FSTL5: variants seen among roughly 807,000 people sequenced by gnomAD.
FSTL5 encodes the protein follistatin like 5.
FSTL5 carries 62 observed loss-of-function variants against 89.1 expected under a neutral mutation model. The observed-to-expected ratio is 0.70, with a 90% CI of 0.57 to 0.86. FSTL5 has a LOEUF of 0.86. FSTL5 is among the 40% of genes least tolerant of loss of function. FSTL5 has a pLI of 0.00. For synonymous variants in FSTL5, 383 were observed against 346.2 expected (o/e 1.11, Z -1.18); for missense variants, 1,057 against 1,001.6 (o/e 1.06, Z -0.75).
At chr4:161,470,741 C>T (rs1198015118) in intron 13 of FSTL5, among the ~76,000 whole-genome samples, 4 of 152,030 alleles carry the variant, frequency 2.6e-5, no homozygotes, top group Non-Finnish European at 5.9e-5. Context: ...GTTGTTTTCC[C>T]ATTTATATAT....
intron 6 of FSTL5, among the ~76,000 whole-genome samples, chr4:161,692,802 C>A (rs1737989290): frequency 6.6e-6 from 1 of 152,146 alleles, no homozygotes; most frequent in Non-Finnish European, 1.5e-5. Context: ...CGGCTCACTG[C>A]AACCTCCAAC....
At chr4:161,939,610 C>A (rs2110919299) in intron 3 of FSTL5, among the ~76,000 whole-genome samples, 1 of 152,006 alleles carries the variant, frequency 6.6e-6, no homozygotes, top group Admixed American at 6.6e-5. Flanking sequence ...ATGAGAAGGA[C>A]TGTAGAGGAA....
intron 8 of FSTL5, among the ~76,000 whole-genome samples, chr4:161,581,312 A>C (rs558756524): frequency 1.3e-5 from 2 of 152,204 alleles, no homozygotes; most frequent in Non-Finnish European, 2.9e-5. Flanking sequence ...CAGTTTGACA[A>C]TCACTGAGCT....
chr4:161,592,477 A>G (rs1363010660), intron 7 of FSTL5, among the ~76,000 whole-genome samples: 1 of 135,992 alleles, frequency 7.4e-6, no homozygotes, highest in African/African-American at 2.8e-5. Flanking sequence ...CCCTGTGTCC[A>G]TGTGTTCTAT....
At chr4:161,760,508 T>C (rs1469285356) in intron 5 of FSTL5, among the ~76,000 whole-genome samples, 2 of 152,152 alleles carry the variant, frequency 1.3e-5, no homozygotes, top group Non-Finnish European at 2.9e-5. Context: ...AATACCTCAA[T>C]AATTTCTGGC....
At chr4:161,539,951 C>T (rs983239374) in intron 9 of FSTL5, among the ~76,000 whole-genome samples, 56 of 140,688 alleles carry the variant, frequency 4.0e-4, no homozygotes, top group African/African-American at 1.4e-3. Flanking sequence ...CTTAAATTCT[C>T]TGGGTTTTGT....
At chr4:161,829,161 A>ATG (rs1399040246) in intron 4 of FSTL5, among the ~76,000 whole-genome samples, 3 of 146,980 alleles carry the variant, frequency 2.0e-5, no homozygotes, top group Non-Finnish European at 3.0e-5. Context: ...ATATATATAT[A>ATG]TGTACACAGA....
chr4:161,933,640 G>T (rs1734353225), intron 3 of FSTL5, among the ~76,000 whole-genome samples: 1 of 151,314 alleles, frequency 6.6e-6, no homozygotes. Flanking sequence ...TTTCAAGGTG[G>T]AAAATGGTTA....
intron 4 of FSTL5, among the ~76,000 whole-genome samples, chr4:161,807,102 A>G (rs1172285579): frequency 1.2e-5 from 1 of 85,020 alleles, no homozygotes; most frequent in Non-Finnish European, 2.7e-5. Context: ...GGGTCTGGAT[A>G]CAGGTTGGTC....
intron 3 of FSTL5, among the ~76,000 whole-genome samples, chr4:161,941,738 TA>T (rs950404331): frequency 6.6e-6 from 1 of 151,820 alleles, no homozygotes; most frequent in Non-Finnish European, 1.5e-5. Flanking sequence ...AGCAACTATA[TA>T]AAAAATAATT....
At position 161,995,720 on chromosome 4, in the gene FSTL5, C is replaced by T. The variant is rs150318442; in HGVS notation, c.160+37905G>A. Among the ~76,000 whole-genome samples the T allele has an allele frequency of 7.7e-3, 1,159 of 150,720 alleles. 9 individuals carry two copies. The highest frequency in any genetic ancestry group is 0.032 in the Admixed American group (487 of 15,136). On this transcript the variant is annotated intron_variant, in intron 3 of 15. Coordinates refer to ENST00000306100, the MANE Select transcript of FSTL5 (RefSeq NM_020116.5). ...TTAATTTCTGTTCTCCAACTATGCC[C>T]CTGAATAAATTAACATTTCCCTAAA...
chr4:162,040,819 CT>C (rs767223314), intron 2 of FSTL5, among the ~76,000 whole-genome samples: 6 of 124,688 alleles, frequency 4.8e-5, no homozygotes, highest in African/African-American at 1.3e-4. Flanking sequence ...TATTATTTAT[CT>C]TTTTTTTTCA....
chr4:161,605,223 A>C (rs1734394255), intron 7 of FSTL5, among the ~76,000 whole-genome samples: 1 of 152,192 alleles, frequency 6.6e-6, no homozygotes, highest in South Asian at 2.1e-4. Flanking sequence ...GTGAAAATTC[A>C]TTTATTCACA....
At chr4:161,439,073 C>T (rs1732672692) in intron 15 of FSTL5, among the ~76,000 whole-genome samples, 1 of 151,680 alleles carries the variant, frequency 6.6e-6, no homozygotes, top group Non-Finnish European at 1.5e-5. Context: ...TTTAAAATAT[C>T]AGAACATAGT....
intron 4 of FSTL5, among the ~76,000 whole-genome samples, chr4:161,862,873 C>T (rs1203650183): frequency 6.6e-6 from 1 of 152,084 alleles, no homozygotes; most frequent in Non-Finnish European, 1.5e-5. Flanking sequence ...AAAATAAAAG[C>T]TGTAAATGTA....
chr4:162,154,374 A>T (rs1180782330), intron 1 of FSTL5, among the ~76,000 whole-genome samples: 1 of 152,188 alleles, frequency 6.6e-6, no homozygotes, highest in Non-Finnish European at 1.5e-5. Context: ...GATCTTATGA[A>T]CATGACATTT....
At chr4:161,699,326 C>A (rs1257371319) in intron 6 of FSTL5, among the ~76,000 whole-genome samples, 1 of 152,118 alleles carries the variant, frequency 6.6e-6, no homozygotes, top group Non-Finnish European at 1.5e-5. Flanking sequence ...GAAATATTTT[C>A]ACTATCAATT....
intron 7 of FSTL5, among the ~76,000 whole-genome samples, chr4:161,597,264 C>G (rs1734048532): frequency 6.6e-6 from 1 of 151,978 alleles, no homozygotes; most frequent in African/African-American, 2.4e-5. Context: ...GCCAGTTTTC[C>G]CAGCACCATT....
intron 6 of FSTL5, among the ~76,000 whole-genome samples, chr4:161,690,924 C>T (rs557233465): frequency 6.6e-6 from 1 of 152,176 alleles, no homozygotes; most frequent in Non-Finnish European, 1.5e-5. Context: ...GTTCCTGCAT[C>T]AGTTTGCTAA....
Sources: gnomAD v4.1 joint callset for allele counts (sites outside exome capture counted in the v4.1 genomes callset) on GRCh38, gnomAD v4.1.1 for gene constraint, MANE v1.5 for transcripts, NCBI Gene and HGNC (gene_info 2026-07-23, HGNC 2026-07-21) for gene names.